The following SGCG variants were observed in gnomAD, a reference collection of about 807,000 sequenced individuals.
SGCG encodes sarcoglycan gamma, also known as gamma-sarcoglycan.
SGCG carries 26 observed loss-of-function variants against 29.3 expected under a neutral mutation model. That is an observed-to-expected ratio of 0.89 (90% confidence interval 0.65 to 1.23). The LOEUF (loss-of-function observed/expected upper bound fraction) is 1.23, where lower values mean the gene tolerates loss of function less well. Ranked by LOEUF, SGCG falls within the 50% of genes most tolerant of loss-of-function variation. SGCG has a pLI of 0.00. For synonymous variants in SGCG, 145 were observed against 129.7 expected (o/e 1.12, Z -0.80); for missense variants, 353 against 356.0 (o/e 0.99, Z 0.07).
intron 1 of SGCG, among the ~76,000 whole-genome samples, 170 bp from the exon 2 acceptor site, chr13:23,203,525 G>A (rs921408654): frequency 6.6e-6 from 1 of 152,120 alleles, no homozygotes; most frequent in Non-Finnish European, 1.5e-5. Flanking sequence ...ACAGTGACAT[G>A]TTTCAAAATA....
In SGCG at chr13:23,203,819, T is replaced by G; in HGVS notation, c.125T>G (p.Leu42Arg). The G allele has an allele frequency of 6.2e-7, 1 of 1,614,062 alleles. No homozygotes were observed. The highest frequency in any genetic ancestry group is 8.5e-7 in the Non-Finnish European group (1 of 1,179,908). ...CGCTGTCTCTACTTGTTTGTTCTTCTTTTACTCATCATCCTCGTTGTGAAT... is the reference window on the plus strand; with the variant it reads ...CGCTGTCTCTACTTGTTTGTTCTTCGTTTACTCATCATCCTCGTTGTGAAT... ...RKRCLYLFVL[L>R]LLIILVVNLA... The change falls in exon 2 of 8, where the codon CTT becomes CGT. Residue 42 changes from leucine to arginine, a missense_variant. Transcript: ENST00000218867.
At chr13:23,315,143 C>T (rs1464623492) in intron 6 of SGCG, among the ~76,000 whole-genome samples, 1 of 152,168 alleles carries the variant, frequency 6.6e-6, no homozygotes, top group Non-Finnish European at 1.5e-5. Context: ...GATTTTGGAG[C>T]AAGGCCCTGC....
intron 6 of SGCG, among the ~76,000 whole-genome samples, chr13:23,310,868 G>C (rs985175832): frequency 1.1e-4 from 17 of 152,024 alleles, no homozygotes; most frequent in South Asian, 2.1e-4. Context: ...TAAAAACTTA[G>C]TCACTTCCAT....
intron 2 of SGCG, among the ~76,000 whole-genome samples, chr13:23,214,043 T>A (rs1301684702): frequency 1.3e-5 from 2 of 152,174 alleles, no homozygotes; most frequent in Non-Finnish European, 2.9e-5. Context: ...ACCCTTCTGG[T>A]CTTAAAGCTT....
intron 4 of SGCG, among the ~76,000 whole-genome samples, chr13:23,266,098 A>G (rs545212286): frequency 2.0e-5 from 3 of 152,254 alleles, no homozygotes; most frequent in Admixed American, 6.5e-5. Flanking sequence ...CAACATGTTG[A>G]AACCCCATCT....
chr13:23,280,939 C>A (rs1221364388), intron 5 of SGCG, among the ~76,000 whole-genome samples: 1 of 152,148 alleles, frequency 6.6e-6, no homozygotes, highest in Non-Finnish European at 1.5e-5. Flanking sequence ...CCTTCCGGGC[C>A]ATGACATCAA....
At chr13:23,260,961 C>T (rs945458511) in intron 4 of SGCG, among the ~76,000 whole-genome samples, 2 of 152,088 alleles carry the variant, frequency 1.3e-5, no homozygotes, top group Non-Finnish European at 2.9e-5. Context: ...CTCTGGCTGC[C>T]GTTAACATTT....
chr13:23,221,542 G>A (rs986570098), intron 2 of SGCG, among the ~76,000 whole-genome samples: 14 of 152,206 alleles, frequency 9.2e-5, no homozygotes, highest in African/African-American at 3.4e-4. Flanking sequence ...AGTTTTCTTA[G>A]GTTCTATGAT....
At chr13:23,235,658 T>C (rs1879281196) in intron 3 of SGCG, among the ~76,000 whole-genome samples, 1 of 152,208 alleles carries the variant, frequency 6.6e-6, no homozygotes, top group Non-Finnish European at 1.5e-5. Context: ...CACGAACATT[T>C]TGCTAGATTA....
intron 2 of SGCG, among the ~76,000 whole-genome samples, chr13:23,225,123 C>T (rs1332604259): frequency 6.6e-6 from 1 of 152,160 alleles, no homozygotes; most frequent in East Asian, 1.9e-4. Flanking sequence ...CACCTTCCAC[C>T]ACCTCATCCT....
At chr13:23,193,058 G>A (rs1877341077) in intron 1 of SGCG, among the ~76,000 whole-genome samples, 1 of 152,240 alleles carries the variant, frequency 6.6e-6, no homozygotes, top group African/African-American at 2.4e-5. Flanking sequence ...AGATTGTACA[G>A]GATAAAAGGG....
chr13:23,247,842 T>C (rs1879774576), intron 3 of SGCG, among the ~76,000 whole-genome samples: 1 of 149,434 alleles, frequency 6.7e-6, no homozygotes, highest in Non-Finnish European at 1.5e-5. Context: ...TTCCAGCTAC[T>C]TGGGAGGCTG....
the SGCG span, among the ~76,000 whole-genome samples, chr13:23,168,564 A>G: frequency 6.6e-6 from 1 of 152,326 alleles, no homozygotes; most frequent in Admixed American, 6.5e-5. Flanking sequence ...TTCTCAGTAC[A>G]GGCTTGAGGA....
chr13:23,304,045 G>A (rs486335), intron 6 of SGCG, among the ~76,000 whole-genome samples: 109,792 of 151,988 alleles, frequency 0.72, 41,553 homozygotes, highest in East Asian at 0.89. Context: ...GGCCATTTTT[G>A]TATTCCTTTC....
intron 2 of SGCG, among the ~76,000 whole-genome samples, chr13:23,204,131 G>A (rs972472216): frequency 2.6e-5 from 4 of 151,052 alleles, no homozygotes; most frequent in Non-Finnish European, 2.9e-5. Context: ...TAGTCATCTC[G>A]AAATAGTGGG....
chr13:23,253,065 AG>A (rs1880038862), intron 4 of SGCG, among the ~76,000 whole-genome samples: 1 of 151,792 alleles, frequency 6.6e-6, no homozygotes, highest in Non-Finnish European at 1.5e-5. Flanking sequence ...GGGGTTTTAA[AG>A]GTTTTGTTTT....
At chr13:23,188,718 A>G (rs1279972836) in intron 1 of SGCG, among the ~76,000 whole-genome samples, 1 of 152,140 alleles carries the variant, frequency 6.6e-6, no homozygotes, top group African/African-American at 2.4e-5. Context: ...AATGTCCAAA[A>G]TGGCCTAGAT....
intron 4 of SGCG, among the ~76,000 whole-genome samples, chr13:23,270,540 T>G (rs1028575408): frequency 3.3e-5 from 5 of 152,242 alleles, no homozygotes; most frequent in Non-Finnish European, 7.3e-5. Context: ...TTTTTATTCC[T>G]CAGTAGTTAA....
chr13:23,174,112 A>G, the SGCG span, among the ~76,000 whole-genome samples: 1 of 152,190 alleles, frequency 6.6e-6, no homozygotes, highest in South Asian at 2.1e-4. Context: ...TCCTTTCTGA[A>G]TAATTATTGA....
Sources: gnomAD v4.1 joint callset for allele counts (sites outside exome capture counted in the v4.1 genomes callset) on GRCh38, gnomAD v4.1.1 for gene constraint, MANE v1.5 for transcripts, NCBI Gene and HGNC (gene_info 2026-07-23, HGNC 2026-07-21) for gene names.